The following RGS7 variants were observed in gnomAD, a reference collection of about 807,000 sequenced individuals.
RGS7 encodes regulator of G-protein signaling 7.
In RGS7, 27 loss-of-function variants were observed where a neutral mutation model predicts 81.1. The observed-to-expected ratio is 0.33, with a 90% CI of 0.25 to 0.46. The LOEUF (loss-of-function observed/expected upper bound fraction) is 0.46. Among genes scored for constraint, RGS7 ranks in the 20% least tolerant of loss-of-function variants. The pLI is 1.00. For synonymous variants in RGS7, 208 were observed against 207.7 expected (o/e 1.00, Z -0.01); for missense variants, 396 against 607.4 (o/e 0.65, Z 3.66).
intron 2 of RGS7, among the ~76,000 whole-genome samples, chr1:241,234,013 G>C (rs959349519): frequency 6.6e-6 from 1 of 151,986 alleles, no homozygotes; most frequent in African/African-American, 2.4e-5. Flanking sequence ...ACTTTCGACA[G>C]TACCCTGCAA....
At chr1:240,887,226 G>GTTTT (rs71297739) in intron 6 of RGS7, among the ~76,000 whole-genome samples, 1,328 of 76,208 alleles carry the variant, frequency 0.017, 69 homozygotes, top group African/African-American at 0.046. Context: ...GAGTATATAG[G>GTTTT]TTTTTTTTTT....
At chr1:240,971,066 A>G (rs1683133619) in intron 4 of RGS7, among the ~76,000 whole-genome samples, 1 of 152,192 alleles carries the variant, frequency 6.6e-6, no homozygotes, top group African/African-American at 2.4e-5. Context: ...GAATGTCTGT[A>G]TCACCCCCAA....
At position 241,163,978 on chromosome 1, in the gene RGS7, G is replaced by A. The variant is rs891022408; in HGVS notation, c.79-65216C>T. Among the ~76,000 whole-genome samples the A allele has an allele frequency of 6.6e-6, 1 of 152,090 alleles. No homozygotes were observed. The highest frequency in any genetic ancestry group is 6.5e-5 in the Admixed American group (1 of 15,270). On this transcript the variant is annotated intron_variant, in intron 2 of 18. Coordinates refer to ENST00000440928, the MANE Select transcript of RGS7 (RefSeq NM_001364886.1). This position sits in a 1 kb window ranked among gnomAD's most constrained non-coding sequence, Gnocchi z 4.6. ...CAAGAATGCCCCTTGCTTCTGACGC[G>A]AATTACAAGTCCCAGTTTATTTCAC...
intron 2 of RGS7, among the ~76,000 whole-genome samples, chr1:241,324,333 CA>C (rs34641520): frequency 0.035 from 5,102 of 143,876 alleles, 199 homozygotes; most frequent in African/African-American, 0.097. Flanking sequence ...TATATAAAAG[CA>C]AAAAAAACAA....
At chr1:240,851,134 G>A (rs1319387933) in intron 9 of RGS7, among the ~76,000 whole-genome samples, 1 of 152,162 alleles carries the variant, frequency 6.6e-6, no homozygotes, top group African/African-American at 2.4e-5. Context: ...AGCTAGACAG[G>A]AGAAGTCAGT....
intron 6 of RGS7, among the ~76,000 whole-genome samples, chr1:240,909,944 C>T (rs1056303478): frequency 7.2e-5 from 11 of 152,170 alleles, no homozygotes; most frequent in Admixed American, 6.5e-5. Flanking sequence ...AGTTCGGTCA[C>T]TTCCATAAGT....
intron 2 of RGS7, among the ~76,000 whole-genome samples, chr1:241,135,791 AT>A (rs200380718): frequency 2.7e-4 from 40 of 150,254 alleles, no homozygotes; most frequent in African/African-American, 9.0e-4. Flanking sequence ...TTTTTTTATT[AT>A]TTTTTTTTGA....
intron 3 of RGS7, among the ~76,000 whole-genome samples, chr1:240,988,081 A>C (rs1685941287): frequency 6.6e-6 from 1 of 152,006 alleles, no homozygotes; most frequent in African/African-American, 2.4e-5. Flanking sequence ...AAACGACATC[A>C]TACTCATCAC....
intron 3 of RGS7, among the ~76,000 whole-genome samples, chr1:241,015,967 C>T (rs921334751): frequency 5.9e-5 from 9 of 152,302 alleles, no homozygotes; most frequent in Non-Finnish European, 1.2e-4. Context: ...AACAAATTCA[C>T]TTTAGTGTGT....
intron 2 of RGS7, among the ~76,000 whole-genome samples, chr1:241,143,020 C>A (rs1405918864): frequency 6.6e-6 from 1 of 152,190 alleles, no homozygotes; most frequent in Non-Finnish European, 1.5e-5. Context: ...AAAATGCTGC[C>A]AGTCTCTTTG....
rs756131721 is a variant in RGS7, at chr1:240,814,827, A to G, written c.784-50T>C. ...TTACATAAGTAATGACATTTTCACAATTTTCCACTCTAAATCATGATCAGC... is the reference window on the plus strand; with the variant it reads ...TTACATAAGTAATGACATTTTCACAGTTTTCCACTCTAAATCATGATCAGC... On this transcript the variant is annotated intron_variant, in intron 11 of 18. Transcript: ENST00000440928. The G allele has an allele frequency of 5.3e-6, 6 of 1,125,532 alleles. No individual in the cohort carries two copies. In the African/African-American group the frequency reaches 6.1e-5, roughly 11 times the overall value. 69.7% of individuals were successfully genotyped at this position (1,125,532 alleles called of 1,614,324 possible).
chr1:240,938,250 T>C (rs188289065), intron 4 of RGS7, among the ~76,000 whole-genome samples: 2 of 152,302 alleles, frequency 1.3e-5, no homozygotes, highest in African/African-American at 4.8e-5. Flanking sequence ...AAGTCATAAA[T>C]AGAGAGGGCC....
intron 18 of RGS7, among the ~76,000 whole-genome samples, chr1:240,794,093 A>G (rs1832905): frequency 0.53 from 80,272 of 151,804 alleles, 23,597 homozygotes; most frequent in Non-Finnish European, 0.66. Context: ...CTTGTGTCCT[A>G]TGATGAGTGT....
chr1:240,994,462 C>T (rs553799981), intron 3 of RGS7, among the ~76,000 whole-genome samples: 101 of 152,262 alleles, frequency 6.6e-4, no homozygotes, highest in Non-Finnish European at 7.9e-4. Flanking sequence ...ATTTCAGCAT[C>T]CACATGTTCA....
At chr1:241,244,697 G>T (rs9793029) in intron 2 of RGS7, among the ~76,000 whole-genome samples, 15,700 of 151,928 alleles carry the variant, frequency 0.1, 1,053 homozygotes, top group East Asian at 0.3. Flanking sequence ...CAAAGACTTG[G>T]AACCAAGCCA....
chr1:240,981,928 G>A (rs1403890381), intron 4 of RGS7, among the ~76,000 whole-genome samples: 2 of 152,116 alleles, frequency 1.3e-5, no homozygotes, highest in South Asian at 2.1e-4. Context: ...CAGCTATGCC[G>A]AGTTCCTCTC....
chr1:241,079,418 C>T (rs182730430), intron 3 of RGS7, among the ~76,000 whole-genome samples: 3 of 152,038 alleles, frequency 2.0e-5, no homozygotes, highest in South Asian at 2.1e-4. Flanking sequence ...ACATGTCCAT[C>T]GAGAATAAAA....
intron 2 of RGS7, among the ~76,000 whole-genome samples, chr1:241,300,017 G>T (rs991226079): frequency 2.6e-4 from 39 of 151,348 alleles, no homozygotes; most frequent in Non-Finnish European, 5.4e-4. Context: ...CGGGAGGCTG[G>T]GGTGGGAAGA....
chr1:241,123,388 AATT>A (rs1375020478), intron 2 of RGS7, among the ~76,000 whole-genome samples: 1 of 152,142 alleles, frequency 6.6e-6, no homozygotes, highest in Non-Finnish European at 1.5e-5. Flanking sequence ...CCACCATTCT[AATT>A]ATGACCCACA....
Sources: gnomAD v4.1 joint callset for allele counts (sites outside exome capture counted in the v4.1 genomes callset) on GRCh38, gnomAD v4.1.1 for gene constraint, Gnocchi (gnomAD v3.1) non-coding constraint, MANE v1.5 for transcripts, NCBI Gene and HGNC (gene_info 2026-07-23, HGNC 2026-07-21) for gene names.